KEL: variants seen among roughly 807,000 people sequenced by gnomAD.
The protein encoded by KEL is Kell metallo-endopeptidase (Kell blood group).
A neutral mutation model predicts 99.5 loss-of-function variants in KEL; 96 were observed. The ratio of observed to expected loss-of-function variants is 0.97; its 90% confidence interval spans 0.82 to 1.14. The LOEUF (loss-of-function observed/expected upper bound fraction) is 1.14, where lower values mean the gene tolerates loss of function less well. Among genes scored for constraint, KEL ranks in the 50% most tolerant of loss-of-function variants. The pLI is 0.00. For synonymous variants in KEL, 355 were observed against 354.8 expected, an observed-to-expected ratio of 1.00 and a Z score of -0.01; for missense variants, 926 against 924.2, an observed-to-expected ratio of 1.00 and a Z score of -0.03.
intron 11 of KEL, among the ~76,000 whole-genome samples, chr7:142,945,150 C>T: frequency 6.6e-6 from 1 of 152,198 alleles, no homozygotes; most frequent in East Asian, 1.9e-4. Context: ...ACTCCCTCTC[C>T]TCATCCTCCT....
intron 11 of KEL, among the ~76,000 whole-genome samples, chr7:142,945,845 C>T (rs888637346): frequency 6.6e-5 from 10 of 152,154 alleles, no homozygotes; most frequent in Admixed American, 5.9e-4. Flanking sequence ...TCAGGCTGGT[C>T]TTGAACTCCT....
intron 6 of KEL, among the ~76,000 whole-genome samples, chr7:142,955,393 C>T (rs2116673985): frequency 6.6e-6 from 1 of 151,994 alleles, no homozygotes; most frequent in East Asian, 1.9e-4. Flanking sequence ...TTAGTATTTT[C>T]AAAAAGATTC....
chr7:142,958,021 T>C, intron 5 of KEL, 48 bp from the exon 6 acceptor site: 1 of 1,597,296 alleles, frequency 6.3e-7, no homozygotes, highest in Admixed American at 1.7e-5. Flanking sequence ...GTGGAGCCCA[T>C]CCCCCATTGT....
chr7:142,941,360 T>A lies in KEL; in HGVS notation c.2091A>T (p.Pro697=). ...TGAGGGGCCCGTGGACTCGGAGGTG[T>A]GGAGGGCTGTGAGTGTCGTGAGAGT... ...PQDSHDTHSP[P]HLRVHGPLSS... is the part of the protein sequence containing the mutation. Residue 697 remains proline, a synonymous_variant, in exon 19 of 19, where the codon CCA becomes CCT. Coordinates refer to ENST00000355265, the MANE Select transcript of KEL (RefSeq NM_000420.3). 1 of 1,612,246 alleles carries A rather than the reference T, an allele frequency of 6.2e-7. No homozygotes were observed. Among genetic ancestry groups the A allele is most frequent in the Middle Eastern group, 1.7e-4 (1 of 5,976 alleles).
chr7:142,944,835 G>A, intron 11 of KEL, 94 bp from the exon 12 acceptor site: 1 of 938,700 alleles, frequency 1.1e-6, no homozygotes, highest in South Asian at 1.4e-5. Flanking sequence ...AAAGGGCTTG[G>A]CCCCAAGGAG....
At position 142,961,098 on chromosome 7, in the gene KEL, C is replaced by A. The variant is rs2116352619; in HGVS notation, c.230G>T (p.Cys77Phe). ...YNFQNCGPRP[C>F]ETSVCLDLRD... ...GAGATCCAAACACACAGATGTCTCACAGGGGCCTGTGGGGAAAAGCTCAGA... is the reference window on the plus strand; with the variant it reads ...GAGATCCAAACACACAGATGTCTCAAAGGGGCCTGTGGGGAAAAGCTCAGA... Residue 77 changes from cysteine to phenylalanine, a missense_variant, in exon 4 of 19, where the codon TGT (cysteine) becomes TTT (phenylalanine). Transcript: ENST00000355265. 3.1e-6 allele frequency: 5 copies of A among 1,613,682 alleles called. No homozygotes were observed. The South Asian group carries it at 5.5e-5, about 18-fold the overall frequency.
At position 142,944,716 on chromosome 7, in the gene KEL, C is replaced by A; in HGVS notation, c.1340G>T (p.Arg447Leu). Residue 447 changes from arginine to leucine, a missense_variant, in exon 12 of 19, where the codon CGG becomes CTG. Coordinates refer to ENST00000355265, the MANE Select transcript of KEL (RefSeq NM_000420.3). ...SAAMKLFTAI[R>L]DALITRLRNL... ...TCTGAGGCGAGTGATGAGGGCATCC[C>A]GGATCGCAGTGAATAATTTCATGGC... The A allele has an allele frequency of 3.1e-6, 5 of 1,614,052 alleles. No individual in the cohort carries two copies. Among genetic ancestry groups the A allele is most frequent in the Non-Finnish European group, 4.2e-6 (5 of 1,179,974 alleles).
chr7:142,960,903 G>C, intron 4 of KEL, 25 bp downstream of exon 4: 2 of 1,612,004 alleles, frequency 1.2e-6, no homozygotes, highest in South Asian at 2.2e-5. Flanking sequence ...CTTGCACAGA[G>C]CATCTTCCAC....
At chr7:142,954,606 C>A (rs1796780564) in intron 6 of KEL, 79 bp from the exon 7 acceptor site, 1 of 1,227,742 alleles carries the variant, frequency 8.1e-7, no homozygotes, top group East Asian at 2.3e-5. Flanking sequence ...GGGAATATAC[C>A]ATGGGAGATG....
At chr7:142,957,478 G>T (rs1205953156) in intron 6 of KEL, among the ~76,000 whole-genome samples, 3 of 152,214 alleles carry the variant, frequency 2.0e-5, no homozygotes, top group Non-Finnish European at 4.4e-5. Flanking sequence ...AGCATAGTTA[G>T]TTAGCCCTTG....
At chr7:142,944,014 G>C in intron 13 of KEL, 131 bp from the exon 14 acceptor site, 2 of 761,528 alleles carry the variant, frequency 2.6e-6, no homozygotes, top group Admixed American at 2.0e-5. Context: ...TTAGGAGAGA[G>C]CAGCCCAATG....
chr7:142,941,235 C>T lies in KEL; in HGVS notation c.*17G>A. ...GTTGGTCGATATTTCTGTGCTGTGG[C>T]ATCTTTGGTAACCAAGTTACCAGAG... is the stretch of plus-strand genomic sequence containing the variant. On this transcript the variant is annotated 3_prime_UTR_variant, in exon 19 of 19. Transcript: ENST00000355265. 3 of 1,613,902 alleles carry T rather than the reference C, an allele frequency of 1.9e-6. No individual in the cohort carries two copies. Among genetic ancestry groups the T allele is most frequent in the Non-Finnish European group, 2.5e-6 (3 of 1,179,826 alleles).
chr7:142,954,473 A>C lies in KEL; in HGVS notation c.727T>G (p.Tyr243Asp). 6.2e-7 allele frequency: 1 copy of C among 1,614,078 alleles called. No individual in the cohort carries two copies. The highest frequency in any genetic ancestry group is 8.5e-7 in the Non-Finnish European group (1 of 1,179,930). ...PLKQDQEQKI[Y>D]AQIFREYLTY... ...TCCATGTGCCATCTTACCTGGGCAT[A>C]GATCTTCTGTTCTTGATCTTGCTTG... Residue 243 changes from tyrosine to aspartate, a missense_variant, in exon 7 of 19, where the codon TAT (tyrosine) becomes GAT (aspartate). Physicochemically the swap from Tyr to Asp is radical, Grantham distance 160. Coordinates refer to ENST00000355265, the MANE Select transcript of KEL (RefSeq NM_000420.3).
chr7:142,958,658 T>C (rs1006531460), intron 4 of KEL, among the ~76,000 whole-genome samples: 3 of 152,332 alleles, frequency 2.0e-5, no homozygotes, highest in Non-Finnish European at 4.4e-5. Context: ...TTTGCCACAT[T>C]TTGAAATGGC....
chr7:142,951,548 C>T (rs1181992649), intron 10 of KEL, among the ~76,000 whole-genome samples: 2 of 152,156 alleles, frequency 1.3e-5, no homozygotes, highest in South Asian at 2.1e-4. Flanking sequence ...CCTTATCTTT[C>T]GTGCCTCTGT....
At chr7:142,944,199 C>A in intron 13 of KEL, 124 bp downstream of exon 13, 2 of 830,146 alleles carry the variant, frequency 2.4e-6, no homozygotes, top group Non-Finnish European at 4.2e-6. Context: ...CCCCAGCCAG[C>A]ACCAGAGTAA....
At chr7:142,961,964 G>A (rs1198088833) in intron 1 of KEL, 92 bp from the exon 2 acceptor site, 4 of 1,600,930 alleles carry the variant, frequency 2.5e-6, no homozygotes, top group South Asian at 2.2e-5. Flanking sequence ...TGATACCCTC[G>A]CTGCCTGCCC....
chr7:142,961,383 T>C lies in KEL; in HGVS notation c.200A>G (p.Tyr67Cys). Reference sequence around the variant, plus strand: ...ACGAGGGCCACAGTTCTGGAAGTTGTAGAACAAAAGCACAGAAAAACAAAG... The same window carrying C: ...ACGAGGGCCACAGTTCTGGAAGTTGCAGAACAAAAGCACAGAAAAACAAAG... ...LLLCFSVLLF[Y>C]NFQNCGPRPC... The change falls in exon 3 of 19, where the codon TAC becomes TGC. Residue 67 changes from tyrosine to cysteine, a missense_variant. Transcript: ENST00000355265. 1.2e-6 allele frequency: 2 copies of C among 1,613,444 alleles called. No homozygotes were observed. Among genetic ancestry groups the C allele is most frequent in the African/African-American group, 1.3e-5 (1 of 75,018 alleles).
At chr7:142,961,981 C>A (rs557909148) in intron 1 of KEL, 109 bp from the exon 2 acceptor site, 88 of 1,607,058 alleles carry the variant, frequency 5.5e-5, no homozygotes, top group Middle Eastern at 1.7e-4. Context: ...GCCCTGCCCC[C>A]ACACACATAT....
Sources: allele counts gnomAD v4.1 joint callset (sites outside exome capture counted in the v4.1 genomes callset), GRCh38; gene constraint gnomAD v4.1.1; transcripts MANE v1.5; gene names NCBI Gene and HGNC (gene_info 2026-07-23, HGNC 2026-07-21).